Variants in FGFR1 observed in about 807,000 individuals in gnomAD.
FGFR1 encodes the protein FGFR1/PLAG1 fusion.
A neutral mutation model predicts 93.7 loss-of-function variants in FGFR1; 18 were observed. The observed-to-expected ratio is 0.19, with a 90% CI of 0.13 to 0.28. The LOEUF (loss-of-function observed/expected upper bound fraction) is 0.28, where lower values mean the gene tolerates loss of function less well. FGFR1 is among the 10% of genes least tolerant of loss of function. The pLI is 1.00. For missense variants in FGFR1, 731 were observed against 1,080.4 expected, an observed-to-expected ratio of 0.68 and a Z score of 4.53; for synonymous variants, 448 against 429.3, an observed-to-expected ratio of 1.04 and a Z score of -0.54.
Position 38,414,770 on chromosome 8 carries a change from G to A in FGFR1, c.1977+9C>T, listed in dbSNP as rs372632166. 14 of 1,613,916 alleles carry A rather than the reference G, an allele frequency of 8.7e-6. No individual in the cohort carries two copies. Among genetic ancestry groups the A allele is most frequent in the African/African-American group, 5.3e-5 (4 of 74,904 alleles). ...ACCACCAGCACAGGGCGGCCTTGTC[G>A]GCACTCACGTTGGTTGTCTTTTTAT... is the stretch of plus-strand genomic sequence containing the variant. On this transcript the variant is annotated intron_variant, in intron 14 of 17. Coordinates refer to ENST00000447712, the MANE Select transcript of FGFR1 (RefSeq NM_023110.3).
At chr8:38,459,992 G>A (rs748288335) in intron 1 of FGFR1, among the ~76,000 whole-genome samples, 1 of 152,154 alleles carries the variant, frequency 6.6e-6, no homozygotes, top group Non-Finnish European at 1.5e-5. Flanking sequence ...AGACCAGACT[G>A]GCCAACATGG....
Position 38,468,379 on chromosome 8 carries a change from GC to G in FGFR1, c.-488del, listed in dbSNP as rs1371658792. The G allele has an allele frequency of 4.4e-6, 1 of 228,186 alleles. No individual in the cohort carries two copies. Among genetic ancestry groups the G allele is most frequent in the African/African-American group, 2.2e-5 (1 of 45,028 alleles). The allele number at this position is 228,186 out of a possible 1,614,324, so 14.1% of individuals were successfully genotyped here. A position where few individuals can be genotyped will look rare whatever the true frequency, so the allele number is the denominator to read the frequency against. On this transcript the variant is annotated 5_prime_UTR_variant, in exon 1 of 18. Transcript: ENST00000447712. The stretch of plus-strand genomic sequence containing the variant: ...ACGGGTACCGTGCGCCCTGCGGGGC[GC>G]CCCGAGCTCGGACCGGAGAAAAGTC...
Position 38,414,863 on chromosome 8 carries a change from C to T in FGFR1, c.1893G>A (p.Val631=), listed in dbSNP as rs1244387529. 4.3e-6 allele frequency: 7 copies of T among 1,613,656 alleles called. No individual in the cohort carries two copies. Among genetic ancestry groups the T allele is most frequent in the Non-Finnish European group, 5.9e-6 (7 of 1,179,958 alleles). The change falls in exon 14 of 18, where the codon GTG becomes GTA. Residue 631 remains valine, a synonymous_variant. Coordinates refer to ENST00000447712, the MANE Select transcript of FGFR1 (RefSeq NM_023110.3). ...CTATCTTCATCACATTGTCCTCTGT[C>T]ACCAGGACATTCCTGGCTGCCAGGT... ...HRDLAARNVL[V]TEDNVMKIAD...
intron 3 of FGFR1, 24 bp from the exon 4 acceptor site, chr8:38,428,459 G>A (rs745598058): frequency 1.3e-6 from 2 of 1,589,166 alleles, no homozygotes; most frequent in South Asian, 2.2e-5. Flanking sequence ...AAGGGGCACT[G>A]AGGTTCCTCC....
chr8:38,462,342 A>G (rs1834577527), intron 1 of FGFR1, among the ~76,000 whole-genome samples: 1 of 151,970 alleles, frequency 6.6e-6, no homozygotes, highest in Non-Finnish European at 1.5e-5. Flanking sequence ...CGTCTCTACT[A>G]AAAGTACAAA....
chr8:38,453,665 G>T (rs886666959), intron 2 of FGFR1, among the ~76,000 whole-genome samples: 6 of 152,216 alleles, frequency 3.9e-5, no homozygotes, highest in African/African-American at 1.4e-4. Flanking sequence ...ACTTTGGGAA[G>T]CCGAGGTGGG....
rs1028835559 is a variant in FGFR1 at position 38,468,301 on chromosome 8, C to T, written c.-409G>A. 3.5e-5 allele frequency: 8 copies of T among 227,978 alleles called. No individual in the cohort carries two copies. The highest frequency in any genetic ancestry group is 6.7e-5 in the African/African-American group (3 of 44,964). The allele number at this position is 227,978 out of a possible 1,614,324, so 14.1% of individuals were successfully genotyped here. ...GCGGCGCCTCACTTTCCTTGCAGACCGGGCTCCATCGCCCTGCGGAGGCCC... is the reference window on the plus strand; with the variant it reads ...GCGGCGCCTCACTTTCCTTGCAGACTGGGCTCCATCGCCCTGCGGAGGCCC... On this transcript the variant is annotated 5_prime_UTR_variant, in exon 1 of 18. Transcript: ENST00000447712.
chr8:38,444,410 A>G (rs1466088216), intron 2 of FGFR1, among the ~76,000 whole-genome samples: 1 of 149,554 alleles, frequency 6.7e-6, no homozygotes, highest in Non-Finnish European at 1.5e-5. Context: ...TTTCTTTGAG[A>G]CAGGGTCTCA....
At chr8:38,466,051 A>G (rs1481123128) in intron 1 of FGFR1, 2 of 230,842 alleles carry the variant, frequency 8.7e-6, no homozygotes, top group Non-Finnish European at 1.7e-5. Flanking sequence ...TTGGACCACA[A>G]GGCGCTTTCC....
intron 3 of FGFR1, chr8:38,428,792 T>C: frequency 2.7e-6 from 1 of 369,636 alleles, no homozygotes; most frequent in East Asian, 6.4e-5. Context: ...TTTGGACGGC[T>C]GACTATAGGG....
At chr8:38,442,439 TG>T (rs1328382489) in intron 2 of FGFR1, among the ~76,000 whole-genome samples, 1 of 150,628 alleles carries the variant, frequency 6.6e-6, no homozygotes, top group Non-Finnish European at 1.5e-5. Context: ...CTCCCACCAC[TG>T]GCCCGGAGCC....
intron 2 of FGFR1, among the ~76,000 whole-genome samples, chr8:38,443,606 G>A (rs751813839): frequency 8.5e-5 from 13 of 152,070 alleles, no homozygotes; most frequent in South Asian, 2.1e-4. Flanking sequence ...CCGGGAGGTC[G>A]AGGCTGCAGT....
At chr8:38,441,099 C>T (rs979186026) in intron 2 of FGFR1, among the ~76,000 whole-genome samples, 3 of 145,572 alleles carry the variant, frequency 2.1e-5, no homozygotes, top group African/African-American at 7.5e-5. Context: ...AGCTGGGCAG[C>T]AAGACACGTG....
chr8:38,441,525 TCTTACTAC>T (rs1223661079), intron 2 of FGFR1, among the ~76,000 whole-genome samples: 2 of 152,168 alleles, frequency 1.3e-5, no homozygotes, highest in African/African-American at 4.8e-5. Flanking sequence ...TACAGAAAAC[TCTTACTAC>T]ACTCTTTCGC....
intron 7 of FGFR1, 125 bp from the exon 8 acceptor site, chr8:38,422,066 T>C (rs559311207): frequency 8.4e-7 from 1 of 1,187,190 alleles, no homozygotes; most frequent in African/African-American, 1.5e-5. Flanking sequence ...ACATCTTCTT[T>C]GCAACAAGGA....
chr8:38,467,717 GA>G, intron 1 of FGFR1: 1 of 233,502 alleles, frequency 4.3e-6, no homozygotes. Flanking sequence ...CGAGTTGGAG[GA>G]AAAGTTGGGC....
Position 38,428,086 on chromosome 8 carries a change from A to G in FGFR1, c.456T>C (p.Ala152=), listed in dbSNP as rs369175953. 119 of 1,614,044 alleles carry G rather than the reference A, an allele frequency of 7.4e-5. No individual in the cohort carries two copies. Among genetic ancestry groups the G allele is most frequent in the Non-Finnish European group, 9.2e-5 (108 of 1,180,046 alleles). ...DNTKPNRMPV[A]PYWTSPEKME... is the part of the protein sequence containing the mutation. Reference sequence around the variant, plus strand: ...TCTTTTCTGGGGATGTCCAATATGGAGCTACGGCTGCCCGGGGAAAGCCAA... The same window carrying G: ...TCTTTTCTGGGGATGTCCAATATGGGGCTACGGCTGCCCGGGGAAAGCCAA... Residue 152 remains alanine, a synonymous_variant, in exon 5 of 18, where the codon GCT becomes GCC. Transcript: ENST00000447712.
intron 2 of FGFR1, among the ~76,000 whole-genome samples, chr8:38,448,310 C>T (rs1447616160): frequency 4.4e-5 from 6 of 137,888 alleles, no homozygotes; most frequent in South Asian, 2.2e-4. Context: ...GACGGAGTTT[C>T]GCTCTTTTGC....
At chr8:38,437,641 AG>A (rs1221649853) in intron 2 of FGFR1, among the ~76,000 whole-genome samples, 1 of 152,134 alleles carries the variant, frequency 6.6e-6, no homozygotes, top group Non-Finnish European at 1.5e-5. Flanking sequence ...CCCTGGTCTG[AG>A]GGGCAGTGGG....
Sources: allele counts gnomAD v4.1 joint callset (sites outside exome capture counted in the v4.1 genomes callset), GRCh38; gene constraint gnomAD v4.1.1; transcripts MANE v1.5; gene names NCBI Gene and HGNC (gene_info 2026-07-23, HGNC 2026-07-21).